Variants in B4GALNT1 observed in about 807,000 individuals in gnomAD.
B4GALNT1 encodes beta-1,4 N-acetylgalactosaminyltransferase 1.
Under a neutral mutation model 55.2 loss-of-function variants are expected in B4GALNT1, and 43 were observed. That is an observed-to-expected ratio of 0.78 (90% CI 0.61 to 1.00). The LOEUF (loss-of-function observed/expected upper bound fraction) is 1.00. Ranked by LOEUF, B4GALNT1 falls within the 50% of genes least tolerant of loss-of-function variation. B4GALNT1 has a pLI of 0.00. For synonymous variants in B4GALNT1, 305 were observed against 311.6 expected (o/e 0.98, Z 0.22); for missense variants, 664 against 729.7 (o/e 0.91, Z 1.04).
intron 6 of B4GALNT1, chr12:57,629,389 AC>A (rs1316687791): frequency 7.5e-6 from 3 of 400,944 alleles, no homozygotes; most frequent in Non-Finnish European, 1.3e-5. Flanking sequence ...TTAAAAAATT[AC>A]CTTAAATATA....
At position 57,632,218 on chromosome 12, in the gene B4GALNT1, G is replaced by A. The variant is rs2307095; in HGVS notation, c.-1-85C>T. 527,530 of 1,291,212 alleles carry A rather than the reference G, an allele frequency of 0.41. 113,002 individuals are homozygous for A. Among genetic ancestry groups the A allele is most frequent in the Middle Eastern group, 0.55 (3,015 of 5,494 alleles). The allele number at this position is 1,291,212 out of a possible 1,614,324, so 80.0% of individuals were successfully genotyped here. A position where few individuals can be genotyped will look rare whatever the true frequency, so the allele number is the denominator to read the frequency against. On this transcript the variant is annotated intron_variant, in intron 1 of 10. Coordinates refer to ENST00000341156, the MANE Select transcript of B4GALNT1 (RefSeq NM_001478.5). ...GGCCCTTGGCCCCCGCGTCCTCAGA[G>A]GCTCCTGCCGGCTCCCAAGAGCGCT...
chr12:57,627,735 G>GCAGTA lies in B4GALNT1; in HGVS notation c.1266_1267insTACTG (p.Leu423TyrfsTer67). On this transcript the variant is annotated frameshift_variant, in exon 10 of 11. Transcript: ENST00000341156. LOFTEE classifies it high-confidence loss of function. ...ACCACGCAGCCTGGGAAGCCGACGA[G>GCAGTA]CTCGTGGTGGAAGCCGCGCCTTTGC... 1 of 1,611,474 alleles carries GCAGTA rather than the reference G, an allele frequency of 6.2e-7. No homozygotes were observed. The highest frequency in any genetic ancestry group is 1.1e-5 in the South Asian group (1 of 90,742).
rs1885206154 is a variant in B4GALNT1, at chr12:57,631,424, T to C, written c.219-60A>G. The stretch of plus-strand genomic sequence containing the variant: ...CAGCTACACAGCTCCATTCATCCCA[T>C]AAACACTGACACAGCACCCCACACC... On this transcript the variant is annotated intron_variant, in intron 2 of 10. Transcript: ENST00000341156. The C allele has an allele frequency of 6.9e-6, 11 of 1,584,350 alleles. No individual in the cohort carries two copies. In the South Asian group the frequency reaches 1.2e-4, roughly 18 times the overall value.
In B4GALNT1 at chr12:57,630,990, G is replaced by A. The variant is rs1594986151; in HGVS notation, c.480C>T (p.Ile160=). ...QGVEVQPLRS[I]LVPGLSLQAA... Reference sequence around the variant, plus strand: ...GACCCTCCTCCCTACCTGGCACCAAGATGCTCCTGAGGGGCTGAACTTCCA... The same window carrying A: ...GACCCTCCTCCCTACCTGGCACCAAAATGCTCCTGAGGGGCTGAACTTCCA... The change falls in exon 4 of 11, where the codon ATC becomes ATT. Residue 160 remains isoleucine (I), a synonymous_variant. Coordinates refer to ENST00000341156, the MANE Select transcript of B4GALNT1 (RefSeq NM_001478.5). 1.9e-6 allele frequency: 3 copies of A among 1,613,012 alleles called. No individual in the cohort carries two copies. Among genetic ancestry groups the A allele is most frequent in the Middle Eastern group, 1.7e-4 (1 of 5,728 alleles).
rs779910066 is a variant in B4GALNT1 at position 57,624,818 on chromosome 12, G to A, written c.*1926C>T. 6.4e-7 allele frequency: 1 copy of A among 1,572,906 alleles called. No homozygotes were observed. The highest frequency in any genetic ancestry group is 1.7e-5 in the Admixed American group (1 of 59,980). On this transcript the variant is annotated 3_prime_UTR_variant, in exon 11 of 11. Transcript: ENST00000341156. Reference sequence around the variant, plus strand: ...GGTGGGTGGGCTGCAGCCAAAGAAGGAAGGGAAGATTAGCCCCAGACATTT... The same window carrying A: ...GGTGGGTGGGCTGCAGCCAAAGAAGAAAGGGAAGATTAGCCCCAGACATTT...
At chr12:57,631,129 G>A in intron 3 of B4GALNT1, 43 bp from the exon 4 acceptor site, 11 of 1,608,754 alleles carry the variant, frequency 6.8e-6, no homozygotes, top group Non-Finnish European at 8.5e-6. Context: ...GTCGGGGGGA[G>A]AGGGTCTCTC....
rs1038123627 is a variant in B4GALNT1 at position 57,625,803 on chromosome 12, G to T, written c.*941C>A. The T allele has an allele frequency of 2.0e-6, 3 of 1,480,138 alleles. No individual in the cohort carries two copies. The highest frequency in any genetic ancestry group is 1.4e-5 in the African/African-American group (1 of 71,278). The allele number at this position is 1,480,138 out of a possible 1,614,324, so 91.7% of individuals were successfully genotyped here. On this transcript the variant is annotated 3_prime_UTR_variant, in exon 11 of 11. Transcript: ENST00000341156. ...GGGGTTTGGGAAAGGGTCTGAGGAA[G>T]ATCAAGAAGAAAAGGGTGGGGACGG... is the stretch of plus-strand genomic sequence containing the variant.
At chr12:57,632,173 G>C in intron 1 of B4GALNT1, 40 bp from the exon 2 acceptor site, 2 of 1,468,330 alleles carry the variant, frequency 1.4e-6, no homozygotes, top group Non-Finnish European at 1.9e-6. Context: ...AGGGAGGGAA[G>C]AAGGGAGGGC....
chr12:57,624,774 C>T lies in B4GALNT1; in HGVS notation c.*1970G>A, dbSNP rs758336461. 8.6e-7 allele frequency: 1 copy of T among 1,158,080 alleles called. No individual in the cohort carries two copies. The highest frequency in any genetic ancestry group is 1.2e-5 in the South Asian group (1 of 81,280). 71.7% of individuals were successfully genotyped at this position (1,158,080 alleles called of 1,614,324 possible). On this transcript the variant is annotated 3_prime_UTR_variant, in exon 11 of 11. Transcript: ENST00000341156. ...GCTGAGGGGACAGAGCTCTACAGAC[C>T]ACTCAGAGGAAGCCCCAGGGTGGGT...
Position 57,624,053 on chromosome 12 carries a change from G to T in B4GALNT1, c.*2691C>A. The T allele has an allele frequency of 6.2e-7, 1 of 1,613,162 alleles. No individual in the cohort carries two copies. Among genetic ancestry groups the T allele is most frequent in the South Asian group, 1.1e-5 (1 of 90,952 alleles). On this transcript the variant is annotated 3_prime_UTR_variant, in exon 11 of 11. Transcript: ENST00000341156. The stretch of plus-strand genomic sequence containing the variant: ...CCAGCATGCGCCAGGTGTTCTGCCA[G>T]ATGCAGGAACTTCCACAACTATGGC...
Position 57,630,466 on chromosome 12 carries a change from G to GT in B4GALNT1, c.531+11dup, listed in dbSNP as rs1255608509. On this transcript the variant is annotated intron_variant, in intron 5 of 10. Coordinates refer to ENST00000341156, the MANE Select transcript of B4GALNT1 (RefSeq NM_001478.5). The stretch of plus-strand genomic sequence containing the variant: ...GCCTACTTGGCCTCCTTGCCTTCTT[G>GT]TTTTCTCTCACCTGGTATACCTCCT... 6.2e-7 allele frequency: 1 copy of GT among 1,606,090 alleles called. No individual in the cohort carries two copies. Among genetic ancestry groups the GT allele is most frequent in the African/African-American group, 1.3e-5 (1 of 74,692 alleles).
At chr12:57,630,667 C>A in intron 4 of B4GALNT1, 149 bp from the exon 5 acceptor site, 1 of 1,018,700 alleles carries the variant, frequency 9.8e-7, no homozygotes, top group Non-Finnish European at 1.4e-6. Context: ...ATAACATAGC[C>A]TACAGTGACT....
intron 1 of B4GALNT1, 187 bp from the exon 2 acceptor site, chr12:57,632,320 C>G (rs1364848536): frequency 2.8e-6 from 2 of 707,624 alleles, no homozygotes; most frequent in South Asian, 1.5e-5. Context: ...ACTTCCCAGG[C>G]CCCAGGGTCT....
In B4GALNT1 at chr12:57,625,334, G is replaced by A. The variant is rs1481716983; in HGVS notation, c.*1410C>T. ...AGTGGTGCAGGTGAGGGAGAGGGTAGGTTGAGGAGAAACCCCTTAGCATCT... is the reference window on the plus strand; with the variant it reads ...AGTGGTGCAGGTGAGGGAGAGGGTAAGTTGAGGAGAAACCCCTTAGCATCT... On this transcript the variant is annotated 3_prime_UTR_variant, in exon 11 of 11. Coordinates refer to ENST00000341156, the MANE Select transcript of B4GALNT1 (RefSeq NM_001478.5). 1 of 1,614,084 alleles carries A rather than the reference G, an allele frequency of 6.2e-7. No individual in the cohort carries two copies. Among genetic ancestry groups the A allele is most frequent in the Admixed American group, 1.7e-5 (1 of 60,020 alleles).
rs761607770 is a variant in B4GALNT1, at chr12:57,630,180, T to C, written c.684A>G (p.Arg228=). The C allele has an allele frequency of 1.2e-5, 20 of 1,614,206 alleles. No individual in the cohort carries two copies. Among genetic ancestry groups the C allele is most frequent in the East Asian group, 6.7e-5 (3 of 44,886 alleles). ...TGTCTGCTGTGTTGGTCTGGTAGCTTCGGCTGCTGTAAGTGACCAGTTGTA... is the reference window on the plus strand; with the variant it reads ...TGTCTGCTGTGTTGGTCTGGTAGCTCCGGCTGCTGTAAGTGACCAGTTGTA... ...RQLQLVTYSS[R]SYQTNTADTV... The change falls in exon 6 of 11, where the codon CGA becomes CGG. Residue 228 remains arginine, a synonymous_variant. Transcript: ENST00000341156.
In B4GALNT1 at chr12:57,623,737, C is replaced by T; in HGVS notation, c.*3007G>A. On this transcript the variant is annotated 3_prime_UTR_variant, in exon 11 of 11. Transcript: ENST00000341156. The stretch of plus-strand genomic sequence containing the variant: ...GGAAGGAGATTTGGGAGAAGGGAGA[C>T]TTCCGAGGAAGATTAGGCAGAGTGG... 9.7e-7 allele frequency: 1 copy of T among 1,032,384 alleles called. No homozygotes were observed. The highest frequency in any genetic ancestry group is 1.4e-6 in the Non-Finnish European group (1 of 697,946). 64.0% of individuals were successfully genotyped at this position (1,032,384 alleles called of 1,614,324 possible).
rs1885322311 is a variant in B4GALNT1, at chr12:57,632,971, G to T, written c.-201C>A. On this transcript the variant is annotated 5_prime_UTR_variant, in exon 1 of 11. Coordinates refer to ENST00000341156, the MANE Select transcript of B4GALNT1 (RefSeq NM_001478.5). ...AACTCCCGGGGCTTTTGTGGAGCGC[G>T]GCGCGGTGGTGGTTCTGGGCGTTTC... The T allele has an allele frequency of 6.6e-6, 1 of 152,602 alleles. No homozygotes were observed. The allele number at this position is 152,602 out of a possible 1,614,324, so 9.5% of individuals were successfully genotyped here.
At chr12:57,630,788 C>T (rs144822783) in intron 4 of B4GALNT1, among the ~76,000 whole-genome samples, 192 bp downstream of exon 4, 1 of 152,318 alleles carries the variant, frequency 6.6e-6, no homozygotes, top group African/African-American at 2.4e-5. Flanking sequence ...TCCCCAGTTA[C>T]AGTCTTCTGA....
chr12:57,625,676 C>T lies in B4GALNT1; in HGVS notation c.*1068G>A. On this transcript the variant is annotated 3_prime_UTR_variant, in exon 11 of 11. Transcript: ENST00000341156. ...GTGTGCAGGATGCAGCTGCTTATGC[C>T]CTGGGGAGCCTGTTAAGGGGCAGTA... 1 of 1,575,518 alleles carries T rather than the reference C, an allele frequency of 6.3e-7. No homozygotes were observed. The highest frequency in any genetic ancestry group is 8.6e-7 in the Non-Finnish European group (1 of 1,161,856).
Sources: gnomAD v4.1 joint callset for allele counts (sites outside exome capture counted in the v4.1 genomes callset) on GRCh38, gnomAD v4.1.1 for gene constraint, MANE v1.5 for transcripts, NCBI Gene and HGNC (gene_info 2026-07-23, HGNC 2026-07-21) for gene names.